The following C9orf72 variants were observed in gnomAD, a reference collection of about 807,000 sequenced individuals.
C9orf72 encodes guanine nucleotide exchange factor C9orf72.
C9orf72 carries 44 observed loss-of-function variants against 51.6 expected under a neutral mutation model. The ratio of observed to expected loss-of-function variants is 0.85; its 90% confidence interval spans 0.67 to 1.10. The LOEUF is 1.10. Among genes scored for constraint, C9orf72 ranks in the 50% least tolerant of loss-of-function variants. C9orf72 has a pLI of 0.00. For synonymous variants in C9orf72, 213 were observed against 194.2 expected (o/e 1.10, Z -0.81); for missense variants, 607 against 570.6 (o/e 1.06, Z -0.65).
At chr9:27,562,076 A>G (rs1311702019) in intron 4 of C9orf72, among the ~76,000 whole-genome samples, 1 of 152,230 alleles carries the variant, frequency 6.6e-6, no homozygotes, top group African/African-American at 2.4e-5. Context: ...TTTTGTTTCA[A>G]AAGACACTAC....
intron 8 of C9orf72, among the ~76,000 whole-genome samples, chr9:27,553,376 A>G (rs186406400): frequency 1.4e-3 from 212 of 152,276 alleles, no homozygotes; most frequent in Non-Finnish European, 2.7e-3. Flanking sequence ...ACATAGACCA[A>G]TGGAGAATAG....
chr9:27,561,262 C>T (rs1819339924), intron 5 of C9orf72: 1 of 1,081,612 alleles, frequency 9.2e-7, no homozygotes, highest in Admixed American at 5.6e-5. Flanking sequence ...AACTTAAGTT[C>T]ATCTACAGTA....
chr9:27,566,686 C>A lies in C9orf72; in HGVS notation c.435G>T (p.Trp145Cys). 2.5e-6 allele frequency: 4 copies of A among 1,594,496 alleles called. No homozygotes were observed. Among genetic ancestry groups the A allele is most frequent in the Non-Finnish European group, 3.4e-6 (4 of 1,167,428 alleles). The stretch of plus-strand genomic sequence containing the variant: ...CTGAAAAATCACTTACCTTATGCAT[C>A]CATATTCTTCCTTTCCGGATTATAT... ...LTHIIRKGRI[W>C]MHKERQENVQ... Residue 145 changes from tryptophan (W) to cysteine (C), a missense_variant, in exon 2 of 11, where the codon TGG becomes TGT. Physicochemically the swap from Trp to Cys is radical, Grantham distance 215. Transcript: ENST00000380003.
chr9:27,560,684 C>T (rs1463963184), intron 5 of C9orf72: 4 of 988,748 alleles, frequency 4.0e-6, no homozygotes, highest in Non-Finnish European at 4.8e-6. Context: ...GACTAAAGTG[C>T]TTCTGATTCA....
rs141663988 is a variant in C9orf72 at position 27,557,193 on chromosome 9, G to C, written c.856-397C>G. Among the ~76,000 whole-genome samples, 283 of 152,266 alleles carry C rather than the reference G, an allele frequency of 1.9e-3. 1 individual carries two copies. Among genetic ancestry groups the C allele is most frequent in the Non-Finnish European group, 3.4e-3 (232 of 68,014 alleles). On this transcript the variant is annotated intron_variant, in intron 7 of 10. Coordinates refer to ENST00000380003, the MANE Select transcript of C9orf72 (RefSeq NM_018325.5). ...AAAATACATGCAAAAGGGAAAAAAA[G>C]ACTAGAAAGAGATATACCAAATATT...
intron 8 of C9orf72, among the ~76,000 whole-genome samples, chr9:27,553,891 T>G (rs1820957553): frequency 6.6e-6 from 1 of 152,002 alleles, no homozygotes; most frequent in Admixed American, 6.6e-5. Context: ...GCAAAGGACA[T>G]GAAAATTTTT....
chr9:27,565,949 A>G (rs1819458109), intron 2 of C9orf72, among the ~76,000 whole-genome samples: 1 of 152,194 alleles, frequency 6.6e-6, no homozygotes, highest in Admixed American at 6.5e-5. Flanking sequence ...ATAATGTGAG[A>G]AAAAAGGAAG....
chr9:27,566,765 G>A lies in C9orf72; in HGVS notation c.356C>T (p.Thr119Ile). 1 of 1,613,664 alleles carries A rather than the reference G, an allele frequency of 6.2e-7. No individual in the cohort carries two copies. The highest frequency in any genetic ancestry group is 1.3e-5 in the African/African-American group (1 of 75,004). Reference sequence around the variant, plus strand: ...AAGTGGGAGGTAGAAACTAAGTTCTGTCTGTGGAAGTATAATTGATAGTCC... The same window carrying A: ...AAGTGGGAGGTAGAAACTAAGTTCTATCTGTGGAAGTATAATTGATAGTCC... Reference protein sequence around the residue: ...TYGLSIILPQTELSFYLPLHR... With the variant: ...TYGLSIILPQIELSFYLPLHR... The change falls in exon 2 of 11, where the codon ACA (threonine) becomes ATA (isoleucine). Residue 119 changes from threonine (T) to isoleucine (I), a missense_variant. Transcript: ENST00000380003.
At position 27,560,274 on chromosome 9, in the gene C9orf72, A is replaced by C; in HGVS notation, c.691T>G (p.Cys231Gly). ...LNAISSHLQT[C>G]GCSVVVGSSA... Reference sequence around the variant, plus strand: ...CTACCTACTACAACGGAACAGCCACAGGTTTGCAAGTGTGAGCTGATGGCA... The same window carrying C: ...CTACCTACTACAACGGAACAGCCACCGGTTTGCAAGTGTGAGCTGATGGCA... Residue 231 changes from cysteine (C) to glycine (G), a missense_variant, in exon 6 of 11, where the codon TGT (cysteine) becomes GGT (glycine). Cys to Gly is a radical substitution (Grantham distance 159). Coordinates refer to ENST00000380003, the MANE Select transcript of C9orf72 (RefSeq NM_018325.5). 6.2e-7 allele frequency: 1 copy of C among 1,610,388 alleles called. No individual in the cohort carries two copies. The highest frequency in any genetic ancestry group is 8.5e-7 in the Non-Finnish European group (1 of 1,177,856).
chr9:27,568,832 TCTA>T (rs1008027409), intron 1 of C9orf72, among the ~76,000 whole-genome samples: 4 of 152,084 alleles, frequency 2.6e-5, no homozygotes, highest in African/African-American at 9.7e-5. Context: ...GTGCACTCCT[TCTA>T]CTTTTTTTTT....
At chr9:27,556,873 G>A in intron 7 of C9orf72, 77 bp from the exon 8 acceptor site, 1 of 1,015,886 alleles carries the variant, frequency 9.8e-7, no homozygotes. Flanking sequence ...TTAAAAAATG[G>A]TCTCTGATTT....
At chr9:27,571,750 C>A (rs1422283094) in intron 1 of C9orf72, among the ~76,000 whole-genome samples, 1 of 152,214 alleles carries the variant, frequency 6.6e-6, no homozygotes, top group African/African-American at 2.4e-5. Context: ...CCTTCTCCAA[C>A]CTGGCTCTCA....
intron 1 of C9orf72, among the ~76,000 whole-genome samples, 153 bp from the exon 2 acceptor site, chr9:27,567,317 AC>A (rs1229944216): frequency 6.6e-6 from 1 of 152,224 alleles, no homozygotes; most frequent in African/African-American, 2.4e-5. Flanking sequence ...TTCAACTAGC[AC>A]AGTAGGTGCA....
At chr9:27,570,803 A>G (rs771614116) in intron 1 of C9orf72, among the ~76,000 whole-genome samples, 4 of 152,148 alleles carry the variant, frequency 2.6e-5, no homozygotes, top group Non-Finnish European at 4.4e-5. Context: ...GAGGTGGCAG[A>G]GGTTGCAATG....
chr9:27,558,019 C>T (rs554061678), intron 7 of C9orf72, among the ~76,000 whole-genome samples: 1 of 150,444 alleles, frequency 6.6e-6, no homozygotes, highest in African/African-American at 2.4e-5. Flanking sequence ...TGCTCCTTGA[C>T]AGTAGACTCA....
chr9:27,554,525 G>C (rs1820971473), intron 8 of C9orf72: 3 of 398,082 alleles, frequency 7.5e-6, no homozygotes, highest in Non-Finnish European at 1.3e-5. Flanking sequence ...ACTACCTATT[G>C]GGTACTATGC....
At chr9:27,557,843 C>T (rs1819241174) in intron 7 of C9orf72, among the ~76,000 whole-genome samples, 1 of 151,844 alleles carries the variant, frequency 6.6e-6, no homozygotes, top group South Asian at 2.1e-4. Flanking sequence ...GCCGTGGCTA[C>T]ATCCTCAAGA....
At chr9:27,559,297 T>C (rs1819283392) in intron 6 of C9orf72, 1 of 149,268 alleles carries the variant, frequency 6.7e-6, no homozygotes, top group Non-Finnish European at 1.5e-5. Flanking sequence ...ACTCCAACTA[T>C]GGAGCCTTTC....
Position 27,551,285 on chromosome 9 carries a change from G to A in C9orf72, c.1092-578C>T, listed in dbSNP as rs1480552897. On this transcript the variant is annotated intron_variant, in intron 8 of 10. Transcript: ENST00000380003. Reference sequence around the variant, plus strand: ...AGAAAGTACTACCTACCTTGGCAACGACCAGAGTGAGTAGTAGTAATATAA... The same window carrying A: ...AGAAAGTACTACCTACCTTGGCAACAACCAGAGTGAGTAGTAGTAATATAA... Among the ~76,000 whole-genome samples the A allele has an allele frequency of 6.6e-5, 10 of 152,170 alleles. 1 individual carries two copies. In the South Asian group the frequency reaches 8.3e-4, roughly 13 times the overall value.
Sources: allele counts gnomAD v4.1 joint callset (sites outside exome capture counted in the v4.1 genomes callset), GRCh38; gene constraint gnomAD v4.1.1; transcripts MANE v1.5; gene names NCBI Gene and HGNC (gene_info 2026-07-23, HGNC 2026-07-21).